The following MUC5B variants were observed in gnomAD, a reference collection of about 807,000 sequenced individuals.
MUC5B encodes the protein mucin-5B.
Under a neutral mutation model 376.9 loss-of-function variants are expected in MUC5B, and 116 were observed. The ratio of observed to expected loss-of-function variants is 0.31; its 90% CI spans 0.26 to 0.36. MUC5B has a LOEUF of 0.36. MUC5B is among the 10% of genes least tolerant of loss of function. MUC5B has a pLI of 1.00. For synonymous variants in MUC5B, 3,517 were observed against 3,390.9 expected, an observed-to-expected ratio of 1.04 and a Z score of -1.29; for missense variants, 7,165 against 7,769.9, an observed-to-expected ratio of 0.92 and a Z score of 2.93.
At chr11:1,226,472 G>A (rs891694802) in intron 3 of MUC5B, 143 bp from the exon 4 acceptor site, 12 of 1,315,800 alleles carry the variant, frequency 9.1e-6, no homozygotes, top group African/African-American at 5.8e-5. Flanking sequence ...CAAAACAGAC[G>A]CAGTCCAGGG....
In MUC5B at chr11:1,245,680, G is replaced by A. The variant is rs757361310; in HGVS notation, c.8800G>A (p.Val2934Met). Reference protein sequence around the residue: ...GVPLRELGQVVECSLDFGLVC... With the variant: ...GVPLRELGQVMECSLDFGLVC... Reference sequence around the variant, plus strand: ...CCCCCTGCGGGAGTTGGGCCAGGTCGTGGAATGCAGCCTGGACTTTGGCCT... The same window carrying A: ...CCCCCTGCGGGAGTTGGGCCAGGTCATGGAATGCAGCCTGGACTTTGGCCT... Residue 2934 changes from valine (V) to methionine (M), a missense_variant, in exon 31 of 49, where the codon GTG becomes ATG. By Grantham distance (21) the Val-to-Met change is conservative (BLOSUM62 1). Coordinates refer to ENST00000529681, the MANE Select transcript of MUC5B (RefSeq NM_002458.3). The A allele has an allele frequency of 1.2e-5, 20 of 1,605,884 alleles. No individual in the cohort carries two copies. The highest frequency in any genetic ancestry group is 2.3e-4 in the Middle Eastern group (1 of 4,444).
rs759778109 is a variant in MUC5B, at chr11:1,242,160, C to T, written c.5280C>T (p.Thr1760=). The change falls in exon 31 of 49, where the codon ACC becomes ACT. Residue 1760 remains threonine (T), a synonymous_variant. Transcript: ENST00000529681. ...TSELSTSQAE[T]STPRTETTMS... ...AGCTGTCCACCTCTCAGGCCGAGAC[C>T]AGCACGCCCAGGACAGAGACGACAA... 15 of 1,613,500 alleles carry T rather than the reference C, an allele frequency of 9.3e-6. No homozygotes were observed. The highest frequency in any genetic ancestry group is 1.2e-5 in the Non-Finnish European group (14 of 1,179,880).
In MUC5B at chr11:1,257,253, C is replaced by T. The variant is rs1012587721; in HGVS notation, c.16251C>T (p.Pro5417=). The T allele has an allele frequency of 7.7e-6, 6 of 779,822 alleles. No individual in the cohort carries two copies. Among genetic ancestry groups the T allele is most frequent in the South Asian group, 1.3e-5 (1 of 74,640 alleles). 48.3% of individuals were successfully genotyped at this position (779,822 alleles called of 1,614,324 possible). A position where few individuals can be genotyped will look rare whatever the true frequency, so the allele number is the denominator to read the frequency against. The change falls in exon 40 of 49, where the codon CCC becomes CCT. Residue 5417 remains proline (P), a synonymous_variant. Coordinates refer to ENST00000529681, the MANE Select transcript of MUC5B (RefSeq NM_002458.3). This position sits in a 1 kb window ranked among gnomAD's most constrained non-coding sequence, Gnocchi z 8.9. ...TTTTCTTTCCAGCCTGCGTGGGACC[C>T]GATGGGTTTCCTAAATTTGTGAGTG... ...ICVQACPCVG[P]DGFPKFPGER...
intron 44 of MUC5B, 46 bp from the exon 45 acceptor site, chr11:1,259,710 T>C (rs1425906028): frequency 1.9e-6 from 3 of 1,599,336 alleles, no homozygotes; most frequent in Non-Finnish European, 1.7e-6. Flanking sequence ...CCGGGGCATG[T>C]GCTGGAGGAG....
Position 1,244,195 on chromosome 11 carries a change from C to T in MUC5B, c.7315C>T (p.Leu2439=), listed in dbSNP as rs763363739. ...GGGGACGACCTGGATCCTCACAGAG[C>T]TGACCACAACAGCCACTACGACTGA... ...TPGTTWILTE[L]TTTATTTEST... is the part of the protein sequence containing the mutation. The change falls in exon 31 of 49, where the codon CTG becomes TTG. Residue 2439 remains leucine (L), a synonymous_variant. Coordinates refer to ENST00000529681, the MANE Select transcript of MUC5B (RefSeq NM_002458.3). 3 of 1,612,568 alleles carry T rather than the reference C, an allele frequency of 1.9e-6. No individual in the cohort carries two copies. The East Asian group carries it at 6.7e-5, about 36-fold the overall frequency.
chr11:1,249,124 C>G lies in MUC5B; in HGVS notation c.12244C>G (p.Pro4082Ala). ...CAGGACCACCGAGTCACCCCCTTCC[C>G]CAGGGACGACCACCCCGGGCCACAC... is the stretch of plus-strand genomic sequence containing the variant. Reference protein sequence around the residue: ...SSRTTESPPSPGTTTPGHTTA... With the variant: ...SSRTTESPPSAGTTTPGHTTA... Residue 4082 changes from proline (P) to alanine (A), a missense_variant, in exon 31 of 49, where the codon CCA (proline) becomes GCA (alanine). Physicochemically the swap from Pro to Ala is conservative, Grantham distance 27. This residue lies in a region of MUC5B where 85 missense variants were observed against 78.2 expected (regional missense o/e 1.09). Transcript: ENST00000529681. 4 of 1,611,338 alleles carry G rather than the reference C, an allele frequency of 2.5e-6. No homozygotes were observed. Among genetic ancestry groups the G allele is most frequent in the Non-Finnish European group, 3.4e-6 (4 of 1,179,532 alleles).
At position 1,251,687 on chromosome 11, in the gene MUC5B, G is replaced by A. The variant is rs1423144358; in HGVS notation, c.14807G>A (p.Ser4936Asn). 6.2e-7 allele frequency: 1 copy of A among 1,612,470 alleles called. No individual in the cohort carries two copies. The highest frequency in any genetic ancestry group is 1.7e-5 in the Admixed American group (1 of 59,986). The change falls in exon 31 of 49, where the codon AGC becomes AAC. Residue 4936 changes from serine (S) to asparagine (N), a missense_variant. By Grantham distance (46) the Ser-to-Asn change is conservative. This residue lies in a region of MUC5B where 730 missense variants were observed against 592.7 expected (regional missense o/e 1.23). Coordinates refer to ENST00000529681, the MANE Select transcript of MUC5B (RefSeq NM_002458.3). The part of the protein sequence containing the change: ...LTTLRPTGFP[S>N]SHFSTPCFCR... ...ACCCTGAGACCCACTGGCTTCCCCAGCTCCCACTTCTCTACTCCCTGCTTC... is the reference window on the plus strand; with the variant it reads ...ACCCTGAGACCCACTGGCTTCCCCAACTCCCACTTCTCTACTCCCTGCTTC...
Position 1,241,183 on chromosome 11 carries a change from T to C in MUC5B, c.4303T>C (p.Ser1435Pro). The C allele has an allele frequency of 6.3e-7, 1 of 1,596,202 alleles. No homozygotes were observed. ...LCCEYVPCGP[S>P]PAPGTSPQPS... The stretch of plus-strand genomic sequence containing the variant: ...CTGCGAATACGTGCCCTGTGGCCCC[T>C]CCCCGGCCCCAGGCACCAGCCCTCA... Residue 1435 changes from serine (S) to proline (P), a missense_variant, in exon 31 of 49, where the codon TCC (serine) becomes CCC (proline). By Grantham distance (74) the Ser-to-Pro change is moderately conservative. This residue lies in a region of MUC5B where 517 missense variants were observed against 545.3 expected (regional missense o/e 0.95). Coordinates refer to ENST00000529681, the MANE Select transcript of MUC5B (RefSeq NM_002458.3).
rs1344471355 is a variant in MUC5B, at chr11:1,245,356, G to A, written c.8476G>A (p.Gly2826Arg). ...GACCACCGAGTCACCCCCTTCTCCA[G>A]GGACGACCACCCCGGGCCACACCAG... ...SRTTESPPSP[G>R]TTTPGHTRAT... The change falls in exon 31 of 49, where the codon GGG (glycine) becomes AGG (arginine). Residue 2826 changes from glycine to arginine, a missense_variant. Gly to Arg is a moderately radical substitution (Grantham distance 125). Around this residue, in one of 31 missense-constraint regions of MUC5B, gnomAD observed 50 missense variants for 66.4 expected, o/e 0.75. Transcript: ENST00000529681. 4 of 1,589,230 alleles carry A rather than the reference G, an allele frequency of 2.5e-6. No homozygotes were observed. Among genetic ancestry groups the A allele is most frequent in the Non-Finnish European group, 1.7e-6 (2 of 1,167,634 alleles).
rs958940574 is a variant in MUC5B at position 1,234,851 on chromosome 11, C to T, written c.2630+171C>T. On this transcript the variant is annotated intron_variant, in intron 21 of 48. Transcript: ENST00000529681. The surrounding 1 kb of genome is among the most constrained non-coding windows in gnomAD (Gnocchi z 6.3). The stretch of plus-strand genomic sequence containing the variant: ...GAGAGTTGCTAGGAAAGCCATGGGC[C>T]GTCCTGTGCGTCCTCTGGAAGGTGG... Among the ~76,000 whole-genome samples, 5 of 152,006 alleles carry T rather than the reference C, an allele frequency of 3.3e-5. No homozygotes were observed. Among genetic ancestry groups the T allele is most frequent in the African/African-American group, 4.8e-5 (2 of 41,364 alleles).
rs753514601 is a variant in MUC5B at position 1,239,960 on chromosome 11, C to T, written c.3728+17C>T. ...CCAGAGCTGGTGAGGGGGTGGGAAGCGGGTGGCGCTGGGGGAGCAGGGCTG... is the reference window on the plus strand; with the variant it reads ...CCAGAGCTGGTGAGGGGGTGGGAAGTGGGTGGCGCTGGGGGAGCAGGGCTG... On this transcript the variant is annotated intron_variant, in intron 28 of 48. Transcript: ENST00000529681. 1.5e-5 allele frequency: 24 copies of T among 1,611,636 alleles called. 1 individual carries two copies. The highest frequency in any genetic ancestry group is 1.1e-4 in the East Asian group (5 of 44,852).
rs1443688587 is a variant in MUC5B, at chr11:1,233,837, A to C, written c.2366A>C (p.Gln789Pro). ...CTAAGCTGCCTGGGAGCCTCTCTGC[A>C]GAAAAGCACAGGTAAGTGCCACCCC... ...GKLSCLGASL[Q>P]KSTGCAAPMV... The change falls in exon 19 of 49, where the codon CAG (glutamine) becomes CCG (proline). Residue 789 changes from glutamine (Q) to proline (P), a missense_variant. By Grantham distance (76) the Gln-to-Pro change is moderately conservative (BLOSUM62 -1). Transcript: ENST00000529681. 1.6e-5 allele frequency: 25 copies of C among 1,602,180 alleles called. No individual in the cohort carries two copies. The highest frequency in any genetic ancestry group is 2.0e-5 in the Non-Finnish European group (24 of 1,175,254).
chr11:1,252,610 G>A, intron 32 of MUC5B, 86 bp downstream of exon 32: 2 of 1,411,682 alleles, frequency 1.4e-6, no homozygotes, highest in South Asian at 1.4e-5. Flanking sequence ...AGCTCCCGAG[G>A]CCCGTCTCAG....
rs756989072 is a variant in MUC5B at position 1,245,259 on chromosome 11, C to T, written c.8379C>T (p.His2793=). 6.3e-7 allele frequency: 1 copy of T among 1,598,228 alleles called. No homozygotes were observed. The highest frequency in any genetic ancestry group is 1.7e-5 in the Admixed American group (1 of 58,278). The change falls in exon 31 of 49, where the codon CAC becomes CAT. Residue 2793 remains histidine (H), a synonymous_variant. Coordinates refer to ENST00000529681, the MANE Select transcript of MUC5B (RefSeq NM_002458.3). ...CAGAGCCTTCCACGGGGACTTCCCA[C>T]ACCCCAGCAGCAACCACCGGTACCA... ...HITEPSTGTS[H]TPAATTGTTQ...
At position 1,250,899 on chromosome 11, in the gene MUC5B, C is replaced by T; in HGVS notation, c.14019C>T (p.Thr4673=). The change falls in exon 31 of 49, where the codon ACC becomes ACT. Residue 4673 remains threonine (T), a synonymous_variant. Transcript: ENST00000529681. ...CAACACCCTCCTCTAGCACACAGAC[C>T]AGTGGTACTCCCCCATCACTGACCA... ...SMATPSSSTQ[T]SGTPPSLTTT... The T allele has an allele frequency of 2.5e-6, 4 of 1,587,976 alleles. No individual in the cohort carries two copies. The highest frequency in any genetic ancestry group is 3.4e-6 in the Non-Finnish European group (4 of 1,167,268).
At chr11:1,231,901 C>A in intron 14 of MUC5B, 95 bp from the exon 15 acceptor site, 1 of 1,515,962 alleles carries the variant, frequency 6.6e-7, no homozygotes. Flanking sequence ...GGCTCCCAGC[C>A]GTTCCACCCT....
At position 1,250,220 on chromosome 11, in the gene MUC5B, C is replaced by T. The variant is rs759820599; in HGVS notation, c.13340C>T (p.Thr4447Ile). ...ACCCCGTCCTCCACCCCAGGGACCA[C>T]CTGGATCCTCACAGAGCCGAGCACT... ...TATPSSTPGT[T>I]WILTEPSTTA... The change falls in exon 31 of 49, where the codon ACC becomes ATC. Residue 4447 changes from threonine (T) to isoleucine (I), a missense_variant. Coordinates refer to ENST00000529681, the MANE Select transcript of MUC5B (RefSeq NM_002458.3). 4.3e-6 allele frequency: 7 copies of T among 1,609,264 alleles called. No homozygotes were observed. The highest frequency in any genetic ancestry group is 2.2e-5 in the East Asian group (1 of 44,854).
chr11:1,242,403 C>G lies in MUC5B; in HGVS notation c.5523C>G (p.Asp1841Glu). ...RAENYPEVSIDQVGQVLTCSL... is the reference protein window; with the variant it reads ...RAENYPEVSIEQVGQVLTCSL... Reference sequence around the variant, plus strand: ...AGAACTACCCCGAGGTAAGCATCGACCAGGTCGGGCAGGTGCTGACCTGCA... The same window carrying G: ...AGAACTACCCCGAGGTAAGCATCGAGCAGGTCGGGCAGGTGCTGACCTGCA... Residue 1841 changes from aspartate (D) to glutamate (E), a missense_variant, in exon 31 of 49, where the codon GAC becomes GAG. Around this residue, in one of 31 missense-constraint regions of MUC5B, gnomAD observed 897 missense variants for 779.6 expected, o/e 1.15. Transcript: ENST00000529681. The G allele has an allele frequency of 6.2e-7, 1 of 1,613,876 alleles. No homozygotes were observed. Among genetic ancestry groups the G allele is most frequent in the East Asian group, 2.2e-5 (1 of 44,890 alleles).
chr11:1,238,482 G>T (rs1862202495), intron 25 of MUC5B, among the ~76,000 whole-genome samples: 1 of 152,202 alleles, frequency 6.6e-6, no homozygotes, highest in African/African-American at 2.4e-5. Context: ...AGGGCAGAGG[G>T]TAAGCAGGGG....
Sources: gnomAD v4.1 joint callset for allele counts (sites outside exome capture counted in the v4.1 genomes callset) on GRCh38, gnomAD v4.1.1 for gene constraint, gnomAD v4.1.1 regional missense constraint, Gnocchi (gnomAD v3.1) non-coding constraint, MANE v1.5 for transcripts, NCBI Gene and HGNC (gene_info 2026-07-23, HGNC 2026-07-21) for gene names.